The following SLC38A4 variants were observed in gnomAD, a reference collection of about 807,000 sequenced individuals.
SLC38A4 encodes sodium-coupled neutral amino acid transporter 4.
SLC38A4 carries 20 observed loss-of-function variants against 63.1 expected under a neutral mutation model. That is an observed-to-expected ratio of 0.32 (90% CI 0.22 to 0.46). SLC38A4 has a LOEUF of 0.46. Ranked by LOEUF, SLC38A4 falls within the 20% of genes least tolerant of loss-of-function variation. The pLI is 1.00. For missense variants in SLC38A4, 526 were observed against 663.6 expected, an observed-to-expected ratio of 0.79 and a Z score of 2.28; for synonymous variants, 230 against 225.5, an observed-to-expected ratio of 1.02 and a Z score of -0.18.
intron 1 of SLC38A4, among the ~76,000 whole-genome samples, chr12:46,831,939 C>T (rs962622159): frequency 6.6e-6 from 1 of 152,208 alleles, no homozygotes; most frequent in East Asian, 1.9e-4. Flanking sequence ...GTGCGGGAGG[C>T]GGAGGTGCCC....
At chr12:46,781,274 C>G (rs572524263) in intron 7 of SLC38A4, among the ~76,000 whole-genome samples, 1 of 152,126 alleles carries the variant, frequency 6.6e-6, no homozygotes, top group African/African-American at 2.4e-5. Flanking sequence ...TCTGTACTGT[C>G]AAAGTGAAAT....
chr12:46,809,813 G>C (rs1048308718), intron 1 of SLC38A4, among the ~76,000 whole-genome samples: 1 of 151,980 alleles, frequency 6.6e-6, no homozygotes, highest in African/African-American at 2.4e-5. Flanking sequence ...GGTATATTTA[G>C]GTCTGGGGAT....
intron 6 of SLC38A4, among the ~76,000 whole-genome samples, 194 bp downstream of exon 6, chr12:46,784,910 C>A (rs991160528): frequency 1.3e-5 from 2 of 151,970 alleles, no homozygotes; most frequent in Non-Finnish European, 2.9e-5. Flanking sequence ...TGTCTTGAAC[C>A]TGAGCCAGTT....
intron 14 of SLC38A4, among the ~76,000 whole-genome samples, chr12:46,774,426 T>C (rs1938482414): frequency 6.6e-6 from 1 of 152,090 alleles, no homozygotes; most frequent in Non-Finnish European, 1.5e-5. Flanking sequence ...AGCTCTGCTC[T>C]GGGATCTCAG....
intron 13 of SLC38A4, among the ~76,000 whole-genome samples, chr12:46,776,117 A>C (rs980081169): frequency 4.6e-5 from 7 of 152,082 alleles, no homozygotes; most frequent in Non-Finnish European, 8.8e-5. Context: ...AGTAAGAAAA[A>C]AATTAAGTTA....
chr12:46,785,200 G>T (rs1413176922), intron 5 of SLC38A4, 23 bp from the exon 6 acceptor site: 2 of 1,554,510 alleles, frequency 1.3e-6, no homozygotes, highest in Non-Finnish European at 1.8e-6. Flanking sequence ...GAGAGAGTAG[G>T]TAATAAAGTT....
intron 6 of SLC38A4, 138 bp downstream of exon 6, chr12:46,784,966 G>A (rs2120802855): frequency 1.2e-6 from 1 of 801,084 alleles, no homozygotes; most frequent in South Asian, 1.6e-5. Context: ...TATAAACACT[G>A]AGAGATCGTG....
rs1420716418 is a variant in SLC38A4 at position 46,765,581 on chromosome 12, T to C, written c.*1120A>G. 9.8e-6 allele frequency: 2 copies of C among 203,064 alleles called. No homozygotes were observed. The highest frequency in any genetic ancestry group is 2.1e-5 in the Non-Finnish European group (2 of 97,210). 12.6% of individuals were successfully genotyped at this position (203,064 alleles called of 1,614,324 possible). A position where few individuals can be genotyped will look rare whatever the true frequency, so the allele number is the denominator to read the frequency against. On this transcript the variant is annotated 3_prime_UTR_variant, in exon 17 of 17. Coordinates refer to ENST00000266579, the MANE Select transcript of SLC38A4 (RefSeq NM_018018.5). The stretch of plus-strand genomic sequence containing the variant: ...AATTTAAATTATCCCCAGACATTTG[T>C]AGACAGATACATATGAATGGATTTT...
upstream of SLC38A4, among the ~76,000 whole-genome samples, chr12:46,827,887 G>A (rs558561577): frequency 1.3e-5 from 2 of 152,132 alleles, no homozygotes; most frequent in Admixed American, 6.5e-5. Flanking sequence ...CTATTATGGG[G>A]CCATAATAAA....
intron 10 of SLC38A4, among the ~76,000 whole-genome samples, chr12:46,779,152 A>G (rs1301534294): frequency 6.6e-6 from 1 of 151,812 alleles, no homozygotes; most frequent in East Asian, 1.9e-4. Context: ...GGCATTCATG[A>G]TAGTGCAAGA....
At chr12:46,786,148 T>C (rs2120808206) in intron 5 of SLC38A4, among the ~76,000 whole-genome samples, 1 of 152,230 alleles carries the variant, frequency 6.6e-6, no homozygotes, top group South Asian at 2.1e-4. Flanking sequence ...CCTATATTTT[T>C]CCATATGCCT....
At chr12:46,792,931 A>G in intron 3 of SLC38A4, 22 bp downstream of exon 3, 1 of 1,543,508 alleles carries the variant, frequency 6.5e-7, no homozygotes, top group South Asian at 1.1e-5. Context: ...TCCATGGAAC[A>G]TAGTAATTTT....
Position 46,766,698 on chromosome 12 carries a change from G to A in SLC38A4, c.*3C>T. On this transcript the variant is annotated 3_prime_UTR_variant, in exon 17 of 17. Coordinates refer to ENST00000266579, the MANE Select transcript of SLC38A4 (RefSeq NM_018018.5). Reference sequence around the variant, plus strand: ...ATAGAAAAAGAAAGTATTTTTCCTTGTGTTAGTGATGCTTGGAATTTGGAG... The same window carrying A: ...ATAGAAAAAGAAAGTATTTTTCCTTATGTTAGTGATGCTTGGAATTTGGAG... 6.3e-7 allele frequency: 1 copy of A among 1,579,850 alleles called. No individual in the cohort carries two copies. Among genetic ancestry groups the A allele is most frequent in the Non-Finnish European group, 8.7e-7 (1 of 1,150,560 alleles).
intron 1 of SLC38A4, among the ~76,000 whole-genome samples, chr12:46,808,044 C>A (rs1939269914): frequency 6.6e-6 from 1 of 151,942 alleles, no homozygotes; most frequent in Non-Finnish European, 1.5e-5. Context: ...TATATCTTTG[C>A]ATTGTTTTAA....
In SLC38A4 at chr12:46,768,324, G is replaced by A; in HGVS notation, c.1528C>T (p.Pro510Ser). ...GGTTTACTTACCCCGACCTTTTGGG[G>A]TGACCTAAAAGTTTCTTTCTTGACA... ...KLVKKETFRS[P>S]QKVGALIFLV... The change falls in exon 16 of 17, where the codon CCC (proline) becomes TCC (serine). Residue 510 changes from proline to serine, a missense_variant. Pro to Ser is a moderately conservative substitution (Grantham distance 74). Transcript: ENST00000266579. 2 of 1,610,168 alleles carry A rather than the reference G, an allele frequency of 1.2e-6. No individual in the cohort carries two copies. The highest frequency in any genetic ancestry group is 1.7e-6 in the Non-Finnish European group (2 of 1,177,586).
At chr12:46,795,274 T>C (rs555524236) in intron 2 of SLC38A4, among the ~76,000 whole-genome samples, 4 of 152,222 alleles carry the variant, frequency 2.6e-5, no homozygotes, top group African/African-American at 9.6e-5. Context: ...ACTTTTACAA[T>C]TTGAGAATCA....
intron 1 of SLC38A4, among the ~76,000 whole-genome samples, chr12:46,807,893 C>G (rs913858101): frequency 6.8e-6 from 1 of 146,176 alleles, no homozygotes; most frequent in Non-Finnish European, 1.5e-5. Flanking sequence ...AATGTTACCC[C>G]CCCCCCCAAA....
chr12:46,813,987 T>A (rs540027711), intron 1 of SLC38A4, among the ~76,000 whole-genome samples: 1 of 152,160 alleles, frequency 6.6e-6, no homozygotes, highest in South Asian at 2.1e-4. Flanking sequence ...CTTTTTTGAA[T>A]AAGTAAAGTC....
chr12:46,819,758 A>T lies in SLC38A4; in HGVS notation c.-305+6145T>A, dbSNP rs375834192. On this transcript the variant is annotated intron_variant, in intron 1 of 16. Coordinates refer to ENST00000266579, the MANE Select transcript of SLC38A4 (RefSeq NM_018018.5). ...TCTCTGTACTTGGGAATGTTGAAAAATTTCCCAATTGAAAAGATTTGTTTA... is the reference window on the plus strand; with the variant it reads ...TCTCTGTACTTGGGAATGTTGAAAATTTTCCCAATTGAAAAGATTTGTTTA... 1.2e-4 allele frequency among the ~76,000 whole-genome samples: 18 copies of T among 151,996 alleles called. No homozygotes were observed. The South Asian group carries it at 1.5e-3, about 12-fold the overall frequency.
Sources: gnomAD v4.1 joint callset for allele counts (sites outside exome capture counted in the v4.1 genomes callset) on GRCh38, gnomAD v4.1.1 for gene constraint, MANE v1.5 for transcripts, NCBI Gene and HGNC (gene_info 2026-07-23, HGNC 2026-07-21) for gene names.